Variants in MYO1A observed in about 807,000 individuals in gnomAD.
The protein encoded by MYO1A is unconventional myosin-Ia.
MYO1A carries 127 observed loss-of-function variants against 138.5 expected under a neutral mutation model. That is an observed-to-expected ratio of 0.92 (90% CI 0.79 to 1.06). The LOEUF is 1.06. MYO1A is among the 50% of genes least tolerant of loss of function. The pLI, the probability that MYO1A is intolerant of heterozygous loss-of-function variation, is 0.00. For synonymous variants in MYO1A, 477 were observed against 497.5 expected (o/e 0.96, Z 0.55); for missense variants, 1,211 against 1,288.8 (o/e 0.94, Z 0.92).
chr12:57,036,224 G>T, intron 22 of MYO1A, 83 bp downstream of exon 22: 1 of 1,343,962 alleles, frequency 7.4e-7, no homozygotes, highest in Non-Finnish European at 1.1e-6. Flanking sequence ...GGAAAGCTTT[G>T]GGTTGCCTCT....
intron 22 of MYO1A, 34 bp from the exon 23 acceptor site, chr12:57,031,208 G>C: frequency 3.1e-6 from 5 of 1,613,674 alleles, no homozygotes; most frequent in Non-Finnish European, 4.2e-6. Flanking sequence ...GGAGTGGAGT[G>C]ATAAGAAACA....
At chr12:57,047,917 CAA>C in intron 3 of MYO1A, 70 bp downstream of exon 3, 2 of 1,578,014 alleles carry the variant, frequency 1.3e-6, no homozygotes, top group Non-Finnish European at 1.7e-6. Context: ...GGGGAAGGGA[CAA>C]AGGAAATTAG....
In MYO1A at chr12:57,038,052, T is replaced by G; in HGVS notation, c.1778A>C (p.Glu593Ala). The G allele has an allele frequency of 1.2e-6, 2 of 1,614,002 alleles. No individual in the cohort carries two copies. Among genetic ancestry groups the G allele is most frequent in the Non-Finnish European group, 1.7e-6 (2 of 1,180,040 alleles). ...AGAGAACTGACCTCGCTGCTGATGC[T>G]CATTGGGCTTTATGCACCTGGTGGG... Reference protein sequence around the residue: ...PNYIRCIKPNEHQQRGQFSSD... With the variant: ...PNYIRCIKPNAHQQRGQFSSD... Residue 593 changes from glutamate (E) to alanine (A), a missense_variant, in exon 18 of 28, where the codon GAG becomes GCG. Glu to Ala is a moderately radical substitution (Grantham distance 107). Transcript: ENST00000300119.
At chr12:57,048,490 T>G in intron 1 of MYO1A, 147 bp from the exon 2 acceptor site, 1 of 652,560 alleles carries the variant, frequency 1.5e-6, no homozygotes, top group Non-Finnish European at 2.7e-6. Context: ...GAGAGGCCTC[T>G]GGACCAGCCC....
chr12:57,040,054 A>G (rs2030788070), intron 14 of MYO1A, among the ~76,000 whole-genome samples: 1 of 152,238 alleles, frequency 6.6e-6, no homozygotes, highest in Non-Finnish European at 1.5e-5. Flanking sequence ...ATCCCACCCA[A>G]GGGTCAGACG....
In MYO1A at chr12:57,029,279, A is replaced by G. The variant is rs1202624623; in HGVS notation, c.2878-20T>C. The stretch of plus-strand genomic sequence containing the variant: ...TGACATCTTAGGAAGAGGGAAAAAT[A>G]GCAGGAAAGGGATTCATTTTTTCTC... On this transcript the variant is annotated intron_variant, in intron 26 of 27. Transcript: ENST00000300119. 1 of 1,613,810 alleles carries G rather than the reference A, an allele frequency of 6.2e-7. No individual in the cohort carries two copies. Among genetic ancestry groups the G allele is most frequent in the African/African-American group, 1.3e-5 (1 of 74,892 alleles).
At chr12:57,038,321 A>G in intron 17 of MYO1A, 91 bp downstream of exon 17, 1 of 1,413,524 alleles carries the variant, frequency 7.1e-7, no homozygotes, top group East Asian at 2.3e-5. Flanking sequence ...CTTATTCCAG[A>G]AGCACCCCCA....
At chr12:57,047,759 C>A (rs757507808) in intron 3 of MYO1A, 38 bp from the exon 4 acceptor site, 1 of 1,612,152 alleles carries the variant, frequency 6.2e-7, no homozygotes, top group South Asian at 1.1e-5. Flanking sequence ...ATTGTGAAAC[C>A]AGTTCAAGAC....
Position 57,046,583 on chromosome 12 carries a change from C to A in MYO1A, c.609G>T (p.Gln203His), listed in dbSNP as rs201432507. Residue 203 changes from glutamine (Q) to histidine (H), a missense_variant, in exon 8 of 28, where the codon CAG (glutamine) becomes CAT (histidine). By Grantham distance (24) the Gln-to-His change is conservative (BLOSUM62 0). Coordinates refer to ENST00000300119, the MANE Select transcript of MYO1A (RefSeq NM_005379.4). ...GCTGTTCATCTGCTCCAGCCAGCAG[C>A]TGATAGAAGATGTGGAAGTTCCTTT... ...KGERNFHIFYQLLAGADEQLL... is the reference protein window; with the variant it reads ...KGERNFHIFYHLLAGADEQLL... 32 of 1,614,060 alleles carry A rather than the reference C, an allele frequency of 2.0e-5. No homozygotes were observed. In the African/African-American group the frequency reaches 3.7e-4, roughly 19 times the overall value.
intron 22 of MYO1A, among the ~76,000 whole-genome samples, chr12:57,035,530 C>T (rs1453307645): frequency 1.3e-5 from 2 of 152,162 alleles, no homozygotes; most frequent in Non-Finnish European, 2.9e-5. Flanking sequence ...GGTCAAAAAC[C>T]CAATCAGCGG....
chr12:57,047,626 C>T lies in MYO1A; in HGVS notation c.325+1G>A. On this transcript the variant is annotated splice_donor_variant, in intron 4 of 27. Transcript: ENST00000300119. LOFTEE classifies it high-confidence loss of function. ...TGTGTTCCCCCAGCCAGGGGCCTCA[C>T]CAGTCTTCCCTGATCCACTCTCGCC... is the stretch of plus-strand genomic sequence containing the variant. The T allele has an allele frequency of 6.2e-7, 1 of 1,614,156 alleles. No individual in the cohort carries two copies. Among genetic ancestry groups the T allele is most frequent in the Non-Finnish European group, 8.5e-7 (1 of 1,179,992 alleles).
intron 22 of MYO1A, among the ~76,000 whole-genome samples, chr12:57,032,666 G>A (rs1446705653): frequency 1.3e-5 from 2 of 151,922 alleles, no homozygotes; most frequent in Non-Finnish European, 2.9e-5. Context: ...TTGGGTGACA[G>A]AGCAAGACTG....
At chr12:57,029,025 C>G in intron 27 of MYO1A, 107 bp downstream of exon 27, 1 of 1,605,146 alleles carries the variant, frequency 6.2e-7, no homozygotes, top group Admixed American at 1.7e-5. Context: ...ACCTCCAAGC[C>G]CCGGCCTGCA....
At position 57,047,116 on chromosome 12, in the gene MYO1A, A is replaced by G. The variant is rs952107151; in HGVS notation, c.431-9T>C. On this transcript the variant is annotated splice_polypyrimidine_tract_variant and intron_variant, in intron 5 of 27. Transcript: ENST00000300119. ...CTTGGCATTGCCAAAAGCTACAGAG[A>G]TGAGGAGGGGAGAAGTGAAACTCTA... is the stretch of plus-strand genomic sequence containing the variant. 1.1e-5 allele frequency: 17 copies of G among 1,613,928 alleles called. No individual in the cohort carries two copies. The highest frequency in any genetic ancestry group is 1.4e-5 in the Non-Finnish European group (16 of 1,179,966).
At chr12:57,036,604 TCTCCCCTACAGGC>T (rs2030558257) in intron 21 of MYO1A, among the ~76,000 whole-genome samples, 155 bp downstream of exon 21, 1 of 151,936 alleles carries the variant, frequency 6.6e-6, no homozygotes, top group Admixed American at 6.6e-5. Context: ...CCTCTACAGG[TCTCCCCTACAGGC>T]CTCTCACTCC....
In MYO1A at chr12:57,043,176, C is replaced by G. The variant is rs769734508; in HGVS notation, c.1012-18G>C. The G allele has an allele frequency of 1.9e-6, 3 of 1,614,042 alleles. No homozygotes were observed. The highest frequency in any genetic ancestry group is 2.5e-6 in the Non-Finnish European group (3 of 1,180,008). On this transcript the variant is annotated intron_variant, in intron 11 of 27. Transcript: ENST00000300119. ...TACTGAGCCTGTGGGTGAGGCACAG[C>G]TGATTAGGGTGGCATCACAGAACAG...
intron 13 of MYO1A, 41 bp from the exon 14 acceptor site, chr12:57,041,329 T>C: frequency 6.3e-7 from 1 of 1,598,276 alleles, no homozygotes; most frequent in South Asian, 1.1e-5. Context: ...ACTCCAAGAC[T>C]GTTTCTCCGT....
intron 22 of MYO1A, among the ~76,000 whole-genome samples, chr12:57,034,068 T>C (rs1333627001): frequency 6.6e-6 from 1 of 152,246 alleles, no homozygotes; most frequent in Non-Finnish European, 1.5e-5. Context: ...TATTGTTTGT[T>C]CTAGAACTAG....
At position 57,043,024 on chromosome 12, in the gene MYO1A, A is replaced by C. The variant is rs1293271915; in HGVS notation, c.1098+48T>G. Reference sequence around the variant, plus strand: ...GATATAGGGCTGGTGACAGGGCAGGAAGGTGAGGCAGACAGGAGAGCATGG... The same window carrying C: ...GATATAGGGCTGGTGACAGGGCAGGCAGGTGAGGCAGACAGGAGAGCATGG... On this transcript the variant is annotated intron_variant, in intron 12 of 27. Coordinates refer to ENST00000300119, the MANE Select transcript of MYO1A (RefSeq NM_005379.4). 2.5e-6 allele frequency: 4 copies of C among 1,588,810 alleles called. No individual in the cohort carries two copies. The Admixed American group carries it at 6.7e-5, about 26-fold the overall frequency.
Sources: gnomAD v4.1 joint callset for allele counts (sites outside exome capture counted in the v4.1 genomes callset) on GRCh38, gnomAD v4.1.1 for gene constraint, MANE v1.5 for transcripts, NCBI Gene and HGNC (gene_info 2026-07-23, HGNC 2026-07-21) for gene names.